Variants in USP34 observed in about 807,000 individuals in gnomAD.
USP34 encodes ubiquitin carboxyl-terminal hydrolase 34.
USP34 carries 70 observed loss-of-function variants against 460.3 expected under a neutral mutation model. The ratio of observed to expected loss-of-function variants is 0.15; its 90% confidence interval spans 0.13 to 0.19. USP34 has a LOEUF of 0.19. Ranked by LOEUF, USP34 falls within the 10% of genes least tolerant of loss-of-function variation. The pLI is 1.00. For synonymous variants in USP34, 1,647 were observed against 1,405.3 expected (o/e 1.17, Z -3.85); for missense variants, 3,985 against 4,236.2 (o/e 0.94, Z 1.65).
chr2:61,318,408 C>T (rs553442238), intron 22 of USP34, among the ~76,000 whole-genome samples: 1 of 152,002 alleles, frequency 6.6e-6, no homozygotes, highest in South Asian at 2.1e-4. Context: ...AGTCAGAGGT[C>T]GAAATTTAAG....
intron 1 of USP34, among the ~76,000 whole-genome samples, chr2:61,422,340 G>A (rs1194019707): frequency 2.0e-5 from 3 of 152,066 alleles, no homozygotes; most frequent in Non-Finnish European, 4.4e-5. Flanking sequence ...AAACACACAC[G>A]GCACACATTC....
At chr2:61,247,106 CT>C in intron 49 of USP34, among the ~76,000 whole-genome samples, 1 of 152,178 alleles carries the variant, frequency 6.6e-6, no homozygotes. Context: ...GGTACACTTC[CT>C]ATCCCCAAAG....
At chr2:61,291,950 A>ATCTT (rs1689866616) in intron 33 of USP34, among the ~76,000 whole-genome samples, 3 of 152,164 alleles carry the variant, frequency 2.0e-5, no homozygotes, top group African/African-American at 7.2e-5. Flanking sequence ...AGTGAAAGAA[A>ATCTT]CCAGTCACGA....
intron 1 of USP34, among the ~76,000 whole-genome samples, chr2:61,422,039 C>T (rs1397636418): frequency 6.6e-6 from 1 of 152,216 alleles, no homozygotes; most frequent in Non-Finnish European, 1.5e-5. Context: ...AACACCTACA[C>T]CCAAGACCAG....
At chr2:61,442,964 A>C (rs1695008260) in intron 1 of USP34, among the ~76,000 whole-genome samples, 1 of 152,072 alleles carries the variant, frequency 6.6e-6, no homozygotes, top group Non-Finnish European at 1.5e-5. Context: ...ATTAAAAATA[A>C]TGAAATCCTG....
At chr2:61,371,545 TAA>T (rs1042418162) in intron 8 of USP34, among the ~76,000 whole-genome samples, 1 of 151,996 alleles carries the variant, frequency 6.6e-6, no homozygotes, top group African/African-American at 2.4e-5. Context: ...AATGTTATTA[TAA>T]GAGTCAAAAC....
At chr2:61,373,238 A>G (rs1049567685) in intron 8 of USP34, among the ~76,000 whole-genome samples, 10 of 152,210 alleles carry the variant, frequency 6.6e-5, no homozygotes, top group African/African-American at 2.4e-4. Flanking sequence ...AAAAATAGAT[A>G]GTAAAGGAGA....
At chr2:61,300,864 C>G in intron 29 of USP34, 87 bp downstream of exon 29, 4 of 856,730 alleles carry the variant, frequency 4.7e-6, no homozygotes, top group Non-Finnish European at 6.8e-6. Context: ...TACTTTATAA[C>G]GTTTTATAAA....
intron 13 of USP34, 81 bp from the exon 14 acceptor site, chr2:61,348,967 T>G (rs1691855485): frequency 6.9e-7 from 1 of 1,443,278 alleles, no homozygotes; most frequent in Non-Finnish European, 9.2e-7. Flanking sequence ...ATTTGATTCC[T>G]TGACCTAGTT....
chr2:61,264,461 CCT>C (rs920866922), intron 43 of USP34, among the ~76,000 whole-genome samples: 16 of 151,868 alleles, frequency 1.1e-4, no homozygotes, highest in African/African-American at 3.4e-4. Flanking sequence ...ACAGTGAGAC[CCT>C]GTCTCTACAA....
chr2:61,245,748 T>C (rs1688401640), intron 50 of USP34, among the ~76,000 whole-genome samples: 1 of 150,162 alleles, frequency 6.7e-6, no homozygotes, highest in Non-Finnish European at 1.5e-5. Flanking sequence ...TTCTGCTAAC[T>C]GAAAATCAAT....
intron 1 of USP34, among the ~76,000 whole-genome samples, chr2:61,422,575 T>C (rs1694394120): frequency 6.6e-6 from 1 of 152,164 alleles, no homozygotes; most frequent in Non-Finnish European, 1.5e-5. Flanking sequence ...CAAGATAAGG[T>C]GGTCACTTTC....
chr2:61,281,378 C>G, intron 37 of USP34, 136 bp from the exon 38 acceptor site: 2 of 1,128,634 alleles, frequency 1.8e-6, no homozygotes, highest in Non-Finnish European at 2.4e-6. Flanking sequence ...TTTGGAGGCC[C>G]AGGCAGGAGG....
At chr2:61,293,269 AT>A (rs1263748806) in intron 33 of USP34, among the ~76,000 whole-genome samples, 194 bp downstream of exon 33, 1 of 152,158 alleles carries the variant, frequency 6.6e-6, no homozygotes, top group African/African-American at 2.4e-5. Flanking sequence ...TATCAGAAGA[AT>A]TTTTTAATAC....
intron 34 of USP34, among the ~76,000 whole-genome samples, chr2:61,286,569 C>T (rs989838268): frequency 1.3e-5 from 2 of 152,068 alleles, no homozygotes; most frequent in Non-Finnish European, 1.5e-5. Flanking sequence ...GTAGTAAAAC[C>T]GCTTGAACAC....
intron 1 of USP34, among the ~76,000 whole-genome samples, chr2:61,445,867 G>C (rs1213617270): frequency 6.6e-6 from 1 of 151,662 alleles, no homozygotes. Flanking sequence ...AGTATCGCTT[G>C]AACCTGAAAG....
rs1405349917 is a variant in USP34 at position 61,296,898 on chromosome 2, G to A, written c.4156C>T (p.His1386Tyr). 1.9e-6 allele frequency: 3 copies of A among 1,613,460 alleles called. No homozygotes were observed. In the South Asian group the frequency reaches 3.3e-5, roughly 18 times the overall value. Residue 1386 changes from histidine to tyrosine, a missense_variant, in exon 30 of 80, where the codon CAT becomes TAT. Physicochemically the swap from His to Tyr is moderately conservative, Grantham distance 83 (BLOSUM62 2). Around this residue, in one of 14 missense-constraint regions of USP34, gnomAD observed 1,114 missense variants for 1,122.5 expected, o/e 0.99. Transcript: ENST00000398571. ...ACCCGCCTAGACAGATTTTCTGCAT[G>A]AAGATGAAGTTCTTCACATCGTAAG... ...ESLRCEELHL[H>Y]AENLSRRVWE...
intron 3 of USP34, among the ~76,000 whole-genome samples, chr2:61,397,992 G>A (rs749110925): frequency 6.6e-6 from 1 of 152,056 alleles, no homozygotes. Flanking sequence ...ACTTGAACCC[G>A]CTTGGGGGAG....
Position 61,187,514 on chromosome 2 carries a change from A to T in USP34, c.*588T>A. ...TAAGTGCACAGAATAGCAATCAATC[A>T]ATCAGTCATGTCAATAAAAATAAAA... is the stretch of plus-strand genomic sequence containing the variant. On this transcript the variant is annotated 3_prime_UTR_variant, in exon 80 of 80. Transcript: ENST00000398571. 1.0e-6 allele frequency: 1 copy of T among 984,104 alleles called. No homozygotes were observed. The highest frequency in any genetic ancestry group is 4.7e-5 in the South Asian group (1 of 21,252). 61.0% of individuals were successfully genotyped at this position (984,104 alleles called of 1,614,324 possible). A position where few individuals can be genotyped will look rare whatever the true frequency, so the allele number is the denominator to read the frequency against.
Sources: gnomAD v4.1 joint callset for allele counts (sites outside exome capture counted in the v4.1 genomes callset) on GRCh38, gnomAD v4.1.1 for gene constraint, gnomAD v4.1.1 regional missense constraint, MANE v1.5 for transcripts, NCBI Gene and HGNC (gene_info 2026-07-23, HGNC 2026-07-21) for gene names.